Variants in NRCAM observed in about 807,000 individuals in gnomAD.
The protein encoded by NRCAM is neuronal cell adhesion molecule.
NRCAM carries 83 observed loss-of-function variants against 156.5 expected under a neutral mutation model. The observed-to-expected ratio is 0.53, with a 90% CI of 0.44 to 0.64. The LOEUF (loss-of-function observed/expected upper bound fraction) is 0.64. NRCAM is among the 30% of genes least tolerant of loss of function. NRCAM has a pLI of 0.00. For missense variants in NRCAM, 1,417 were observed against 1,597.3 expected (o/e 0.89, Z 1.92); for synonymous variants, 538 against 563.9 (o/e 0.95, Z 0.65).
intron 1 of NRCAM, among the ~76,000 whole-genome samples, chr7:108,452,673 G>A (rs1851841442): frequency 6.6e-6 from 1 of 152,190 alleles, no homozygotes; most frequent in South Asian, 2.1e-4. Context: ...ATCAATCATT[G>A]CAACAGCTGA....
At chr7:108,200,947 G>A (rs1012173008) in intron 13 of NRCAM, among the ~76,000 whole-genome samples, 3 of 152,040 alleles carry the variant, frequency 2.0e-5, no homozygotes, top group Admixed American at 2.0e-4. Flanking sequence ...AGGACACAAA[G>A]GCATAAGAAT....
chr7:108,177,517 G>A (rs1202212446), intron 26 of NRCAM, among the ~76,000 whole-genome samples: 1 of 151,942 alleles, frequency 6.6e-6, no homozygotes, highest in Non-Finnish European at 1.5e-5. Context: ...CAGCTACTCG[G>A]GAGGCTGACG....
At chr7:108,411,753 G>A (rs1459746443) in intron 1 of NRCAM, among the ~76,000 whole-genome samples, 3 of 151,890 alleles carry the variant, frequency 2.0e-5, no homozygotes, top group African/African-American at 4.8e-5. Context: ...GGCTGGTCTC[G>A]AACTCCCGAC....
chr7:108,392,080 T>C (rs896787748), intron 2 of NRCAM, among the ~76,000 whole-genome samples: 6 of 152,186 alleles, frequency 3.9e-5, no homozygotes, highest in African/African-American at 1.4e-4. Flanking sequence ...AGGAGTATCT[T>C]TGTGGTGTTC....
At chr7:108,273,820 G>A (rs2097480002) in intron 3 of NRCAM, among the ~76,000 whole-genome samples, 1 of 152,294 alleles carries the variant, frequency 6.6e-6, no homozygotes, top group African/African-American at 2.4e-5. Flanking sequence ...CTTTGCCCAT[G>A]CCTATGTCCT....
chr7:108,271,521 A>G (rs1255036079), intron 3 of NRCAM, among the ~76,000 whole-genome samples: 1 of 152,026 alleles, frequency 6.6e-6, no homozygotes, highest in Non-Finnish European at 1.5e-5. Context: ...AACATGGTGA[A>G]ACTCTCTACT....
chr7:108,312,382 C>T lies in NRCAM; in HGVS notation c.-107+283G>A, dbSNP rs76961039. ...TTACTAGCAGTGCTTTGCCTCTGCTCTCTATTTTCTGGGCTTTATGATTCA... is the reference window on the plus strand; with the variant it reads ...TTACTAGCAGTGCTTTGCCTCTGCTTTCTATTTTCTGGGCTTTATGATTCA... On this transcript the variant is annotated intron_variant, in intron 3 of 32. Transcript: ENST00000379028. 6.6e-3 allele frequency among the ~76,000 whole-genome samples: 999 copies of T among 152,114 alleles called. 2 individuals are homozygous for T. Among genetic ancestry groups the T allele is most frequent in the Non-Finnish European group, 0.011 (761 of 67,986 alleles).
At chr7:108,300,150 T>C (rs1005382737) in intron 3 of NRCAM, among the ~76,000 whole-genome samples, 3 of 147,154 alleles carry the variant, frequency 2.0e-5, no homozygotes, top group Non-Finnish European at 4.5e-5. Context: ...CTTCCCCAAA[T>C]TTCTGTTGAC....
chr7:108,197,575 G>A (rs925504752), intron 14 of NRCAM, among the ~76,000 whole-genome samples: 1 of 152,128 alleles, frequency 6.6e-6, no homozygotes, highest in Non-Finnish European at 1.5e-5. Context: ...TATGATTCAT[G>A]CATTAGTTTT....
intron 2 of NRCAM, among the ~76,000 whole-genome samples, chr7:108,343,842 ACACCATACATTTCAAT>A (rs1219591256): frequency 1.3e-5 from 2 of 152,136 alleles, no homozygotes; most frequent in Non-Finnish European, 2.9e-5. Context: ...CCTACACTAC[ACACCATACATTTCAAT>A]CACCATACAT....
intron 26 of NRCAM, 102 bp downstream of exon 26, chr7:108,177,888 A>G (rs2061551923): frequency 9.8e-7 from 1 of 1,020,598 alleles, no homozygotes; most frequent in South Asian, 2.0e-5. Context: ...ATGTATCGAA[A>G]CATCACTACG....
At chr7:108,416,547 T>C (rs1223120453) in intron 1 of NRCAM, among the ~76,000 whole-genome samples, 1 of 151,436 alleles carries the variant, frequency 6.6e-6, no homozygotes, top group Non-Finnish European at 1.5e-5. Context: ...TTTCATTTGA[T>C]GTCTAATTGC....
At chr7:108,253,624 T>C (rs939680611) in intron 3 of NRCAM, among the ~76,000 whole-genome samples, 1 of 152,238 alleles carries the variant, frequency 6.6e-6, no homozygotes, top group African/African-American at 2.4e-5. Context: ...AGTGCCAAGC[T>C]GGGTAAGTGA....
chr7:108,244,687 CTG>C (rs1479017499), intron 3 of NRCAM, among the ~76,000 whole-genome samples: 1 of 152,138 alleles, frequency 6.6e-6, no homozygotes, highest in African/African-American at 2.4e-5. Flanking sequence ...ACAAGACAAA[CTG>C]TGAGAAGCTT....
chr7:108,278,307 C>T (rs757272880), intron 3 of NRCAM, among the ~76,000 whole-genome samples: 3 of 152,136 alleles, frequency 2.0e-5, no homozygotes, highest in African/African-American at 7.2e-5. Context: ...CTGCAGAAGT[C>T]GTCTGCTGCC....
At chr7:108,272,114 G>A (rs182766576) in intron 3 of NRCAM, among the ~76,000 whole-genome samples, 1 of 152,306 alleles carries the variant, frequency 6.6e-6, no homozygotes, top group East Asian at 1.9e-4. Flanking sequence ...TCTCAGAACA[G>A]AGTAACATAT....
At chr7:108,267,100 T>C (rs1490764663) in intron 3 of NRCAM, among the ~76,000 whole-genome samples, 3 of 152,216 alleles carry the variant, frequency 2.0e-5, no homozygotes, top group East Asian at 1.9e-4. Flanking sequence ...ACACAGCAGA[T>C]TGCATTACAT....
chr7:108,308,210 G>A (rs1411600812), intron 3 of NRCAM, among the ~76,000 whole-genome samples: 1 of 152,234 alleles, frequency 6.6e-6, no homozygotes, highest in Non-Finnish European at 1.5e-5. Flanking sequence ...AAGAGCCACA[G>A]GGCAGTGCCC....
intron 3 of NRCAM, among the ~76,000 whole-genome samples, chr7:108,259,235 C>CT (rs2096797463): frequency 6.6e-6 from 1 of 152,228 alleles, no homozygotes; most frequent in Non-Finnish European, 1.5e-5. Flanking sequence ...TCTTTTACTC[C>CT]ATAAATTGTG....
Sources: gnomAD v4.1 joint callset for allele counts (sites outside exome capture counted in the v4.1 genomes callset) on GRCh38, gnomAD v4.1.1 for gene constraint, MANE v1.5 for transcripts, NCBI Gene and HGNC (gene_info 2026-07-23, HGNC 2026-07-21) for gene names.